Variants in SLC35F3 observed in about 807,000 individuals in gnomAD.
The protein encoded by SLC35F3 is putative thiamine transporter SLC35F3.
A neutral mutation model predicts 49.9 loss-of-function variants in SLC35F3; 25 were observed. That is an observed-to-expected ratio of 0.50 (90% confidence interval 0.37 to 0.70). SLC35F3 has a LOEUF of 0.70. Among genes scored for constraint, SLC35F3 ranks in the 30% least tolerant of loss-of-function variants. SLC35F3 has a pLI of 0.00. For synonymous variants in SLC35F3, 275 were observed against 265.4 expected, an observed-to-expected ratio of 1.04 and a Z score of -0.35; for missense variants, 525 against 639.8, an observed-to-expected ratio of 0.82 and a Z score of 1.94.
At chr1:233,912,194 G>A (rs1382445395) in intron 2 of SLC35F3, among the ~76,000 whole-genome samples, 2 of 152,066 alleles carry the variant, frequency 1.3e-5, no homozygotes, top group Non-Finnish European at 2.9e-5. Flanking sequence ...TGAGCCTCTA[G>A]TTTCGCCGTG....
intron 2 of SLC35F3, among the ~76,000 whole-genome samples, chr1:234,138,851 C>A (rs961728600): frequency 6.6e-6 from 1 of 152,174 alleles, no homozygotes; most frequent in Non-Finnish European, 1.5e-5. Context: ...CTGCCCCTGG[C>A]CTTGTTGCTT....
At chr1:234,203,227 G>T (rs1666925109) in intron 2 of SLC35F3, among the ~76,000 whole-genome samples, 1 of 152,180 alleles carries the variant, frequency 6.6e-6, no homozygotes, top group African/African-American at 2.4e-5. Flanking sequence ...AAGGGACAAT[G>T]ACATTAAAAG....
At chr1:233,949,175 G>A (rs1662564407) in intron 2 of SLC35F3, among the ~76,000 whole-genome samples, 1 of 152,142 alleles carries the variant, frequency 6.6e-6, no homozygotes, top group African/African-American at 2.4e-5. Context: ...CCTTGGAAGA[G>A]AGATGTCTGC....
intron 2 of SLC35F3, among the ~76,000 whole-genome samples, chr1:234,145,380 G>A (rs933203501): frequency 5.3e-5 from 8 of 152,094 alleles, no homozygotes; most frequent in Admixed American, 6.5e-5. Flanking sequence ...TAGTATATCT[G>A]CTTCTTTTTT....
chr1:234,094,729 G>A (rs1011137996), intron 2 of SLC35F3, among the ~76,000 whole-genome samples: 2 of 152,118 alleles, frequency 1.3e-5, no homozygotes, highest in African/African-American at 4.8e-5. Context: ...CTTTTATGAG[G>A]CATGAGGGAG....
intron 2 of SLC35F3, among the ~76,000 whole-genome samples, chr1:234,200,588 A>T (rs1328857448): frequency 6.6e-6 from 1 of 152,166 alleles, no homozygotes; most frequent in African/African-American, 2.4e-5. Flanking sequence ...TCTGAGATGC[A>T]CTTACATGGC....
At chr1:234,213,169 G>A (rs2102940909) in intron 2 of SLC35F3, 2 of 152,320 alleles carry the variant, frequency 1.3e-5, no homozygotes, top group South Asian at 4.1e-4. Flanking sequence ...AAACCCTATT[G>A]CTTGAGTTTC....
chr1:234,231,447 C>T lies in SLC35F3; in HGVS notation c.314C>T (p.Pro105Leu), dbSNP rs763571677. The T allele has an allele frequency of 1.2e-6, 2 of 1,603,446 alleles. No individual in the cohort carries two copies. The highest frequency in any genetic ancestry group is 1.7e-6 in the Non-Finnish European group (2 of 1,175,042). ...GAGCGCCCCCGGGACTCCCCGGGCCCGGCGGAGGCCCAGGCACCGGCCGGG... is the reference window on the plus strand; with the variant it reads ...GAGCGCCCCCGGGACTCCCCGGGCCTGGCGGAGGCCCAGGCACCGGCCGGG... ...REERPRDSPG[P>L]AEAQAPAGVE... The change falls in exon 3 of 8, where the codon CCG becomes CTG. Residue 105 changes from proline (P) to leucine (L), a missense_variant. This residue lies in a region of SLC35F3 where 228 missense variants were observed against 218.9 expected (regional missense o/e 1.04). Coordinates refer to ENST00000366618, the MANE Select transcript of SLC35F3 (RefSeq NM_173508.4). The surrounding 1 kb of genome is among the most constrained non-coding windows in gnomAD (Gnocchi z 5.4).
chr1:234,017,897 T>C (rs1462390709), intron 2 of SLC35F3, among the ~76,000 whole-genome samples: 1 of 151,872 alleles, frequency 6.6e-6, no homozygotes, highest in Non-Finnish European at 1.5e-5. Context: ...GAAGCTTCTC[T>C]AAGGCACATC....
At chr1:234,052,428 G>C (rs1664391287) in intron 2 of SLC35F3, among the ~76,000 whole-genome samples, 1 of 152,126 alleles carries the variant, frequency 6.6e-6, no homozygotes, top group African/African-American at 2.4e-5. Flanking sequence ...TTTGCATAGA[G>C]GTGTTTATAG....
intron 3 of SLC35F3, among the ~76,000 whole-genome samples, chr1:234,271,944 G>T (rs1668113835): frequency 6.6e-6 from 1 of 152,084 alleles, no homozygotes; most frequent in African/African-American, 2.4e-5. Context: ...GGACAACATG[G>T]CAAAACCCCG....
At chr1:233,975,863 T>G (rs527945180) in intron 2 of SLC35F3, among the ~76,000 whole-genome samples, 1 of 152,278 alleles carries the variant, frequency 6.6e-6, no homozygotes, top group African/African-American at 2.4e-5. Flanking sequence ...GGCTTTCTGC[T>G]CCTCTGTTTC....
intron 3 of SLC35F3, among the ~76,000 whole-genome samples, chr1:234,243,955 G>T (rs1029014616): frequency 1.3e-5 from 2 of 152,200 alleles, no homozygotes; most frequent in Admixed American, 6.5e-5. Flanking sequence ...GAATCCCCAG[G>T]CTTCAAGGGA....
intron 2 of SLC35F3, among the ~76,000 whole-genome samples, chr1:234,190,968 G>T (rs1394408759): frequency 1.3e-5 from 2 of 152,126 alleles, no homozygotes; most frequent in South Asian, 4.1e-4. Flanking sequence ...AAAAGAAAAG[G>T]GCTCCCTGCT....
intron 2 of SLC35F3, among the ~76,000 whole-genome samples, chr1:234,173,308 A>G (rs1475001394): frequency 5.3e-5 from 8 of 152,230 alleles, no homozygotes; most frequent in Admixed American, 5.2e-4. Context: ...TAACTCATTT[A>G]GTCCTTACAA....
intron 2 of SLC35F3, among the ~76,000 whole-genome samples, chr1:233,989,873 T>C (rs1663324971): frequency 6.6e-6 from 1 of 152,158 alleles, no homozygotes; most frequent in African/African-American, 2.4e-5. Flanking sequence ...CTTTGACTAA[T>C]TGGTGGATGA....
chr1:234,140,818 T>A (rs913103098), intron 2 of SLC35F3, among the ~76,000 whole-genome samples: 10 of 152,190 alleles, frequency 6.6e-5, no homozygotes, highest in Admixed American at 6.5e-4. Context: ...CCTGTTTATC[T>A]CACAGGCCTA....
At position 234,310,405 on chromosome 1, in the gene SLC35F3, G is replaced by A. The variant is rs77136599; in HGVS notation, c.828+1085G>A. 9.4e-3 allele frequency among the ~76,000 whole-genome samples: 1,434 copies of A among 152,272 alleles called. 25 individuals carry two copies. The highest frequency in any genetic ancestry group is 0.033 in the African/African-American group (1,372 of 41,538). On this transcript the variant is annotated intron_variant, in intron 4 of 7. Transcript: ENST00000366618. ...CCTAAGTTACCCAAACAGCAGTGGG[G>A]ACGTGAGTCAACTTCTGAGTTATAT...
chr1:234,072,462 G>T (rs1255457156), intron 2 of SLC35F3, among the ~76,000 whole-genome samples: 2 of 152,230 alleles, frequency 1.3e-5, no homozygotes, highest in Non-Finnish European at 1.5e-5. Context: ...TAGAAAGAGA[G>T]AGACATGAAG....
Sources: gnomAD v4.1 joint callset for allele counts (sites outside exome capture counted in the v4.1 genomes callset) on GRCh38, gnomAD v4.1.1 for gene constraint, gnomAD v4.1.1 regional missense constraint, Gnocchi (gnomAD v3.1) non-coding constraint, MANE v1.5 for transcripts, NCBI Gene and HGNC (gene_info 2026-07-23, HGNC 2026-07-21) for gene names.